PMFBP1: variants seen among roughly 807,000 people sequenced by gnomAD.
The protein encoded by PMFBP1 is polyamine modulated factor 1 binding protein 1.
Under a neutral mutation model 137.8 loss-of-function variants are expected in PMFBP1, and 131 were observed. That is an observed-to-expected ratio of 0.95 (90% confidence interval 0.82 to 1.10). PMFBP1 has a LOEUF of 1.10. Ranked by LOEUF, PMFBP1 falls within the 50% of genes least tolerant of loss-of-function variation. The pLI is 0.00. For missense variants in PMFBP1, 1,199 were observed against 1,175.4 expected, an observed-to-expected ratio of 1.02 and a Z score of -0.29; for synonymous variants, 490 against 450.4, an observed-to-expected ratio of 1.09 and a Z score of -1.11.
chr16:72,181,054 C>A (rs2043274612), upstream of PMFBP1, among the ~76,000 whole-genome samples: 1 of 152,032 alleles, frequency 6.6e-6, no homozygotes, highest in African/African-American at 2.4e-5. Context: ...TCCTGGCCAA[C>A]ATGGTGAAAC....
Position 72,132,748 on chromosome 16 carries a change from C to T in PMFBP1, c.1447G>A (p.Ala483Thr), listed in dbSNP as rs1412004074. The change falls in exon 10 of 21, where the codon GCT becomes ACT. Residue 483 changes from alanine to threonine, a missense_variant and splice_region_variant. Ala to Thr is a moderately conservative substitution (Grantham distance 58). Transcript: ENST00000237353. Reference protein sequence around the residue: ...EEAKQQERLAAQQAAQCKEEA... With the variant: ...EEAKQQERLATQQAAQCKEEA... ...GGGACAGCACCTGCAGGGGCCTCAC[C>T]AGCCAGCCTCTCCTGCTGCTTGGCC... The T allele has an allele frequency of 1.7e-5, 27 of 1,614,056 alleles. No homozygotes were observed. Among genetic ancestry groups the T allele is most frequent in the Non-Finnish European group, 2.1e-5 (25 of 1,180,026 alleles).
intron 5 of PMFBP1, 70 bp downstream of exon 5, chr16:72,150,538 G>A (rs2042885048): frequency 6.8e-7 from 1 of 1,467,068 alleles, no homozygotes; most frequent in East Asian, 2.3e-5. Context: ...GAGGAGGCTG[G>A]GACTGTCTGA....
upstream of PMFBP1, among the ~76,000 whole-genome samples, chr16:72,173,730 G>A (rs997249688): frequency 6.6e-6 from 1 of 152,164 alleles, no homozygotes; most frequent in Non-Finnish European, 1.5e-5. Context: ...TGTTTTGGGG[G>A]AGCCCCACAG....
chr16:72,196,021 G>A, the PMFBP1 span, among the ~76,000 whole-genome samples: 1 of 148,488 alleles, frequency 6.7e-6, no homozygotes, highest in East Asian at 1.9e-4. Flanking sequence ...GTGTGTGTGT[G>A]TGTGTGTGTG....
At chr16:72,226,490 A>G in the PMFBP1 span, among the ~76,000 whole-genome samples, 1 of 152,248 alleles carries the variant, frequency 6.6e-6, no homozygotes, top group Middle Eastern at 3.4e-3. Context: ...TTCTGCCCCC[A>G]TTTCAATTTC....
At chr16:72,151,414 A>C (rs961979260) in intron 4 of PMFBP1, among the ~76,000 whole-genome samples, 8 of 152,330 alleles carry the variant, frequency 5.3e-5, no homozygotes, top group East Asian at 1.9e-4. Context: ...GGGGATATAT[A>C]CATATTAGAC....
upstream of PMFBP1, among the ~76,000 whole-genome samples, chr16:72,179,755 T>C (rs763063823): frequency 6.6e-5 from 10 of 152,250 alleles, no homozygotes; most frequent in Non-Finnish European, 1.2e-4. Flanking sequence ...CCATGTTTAC[T>C]GTATGATCGT....
At chr16:72,183,496 G>A in the PMFBP1 span, among the ~76,000 whole-genome samples, 1 of 152,224 alleles carries the variant, frequency 6.6e-6, no homozygotes, top group East Asian at 1.9e-4. Context: ...TTTACATGGT[G>A]TTCTCCCTAT....
At chr16:72,201,737 C>T in the PMFBP1 span, among the ~76,000 whole-genome samples, 1 of 152,200 alleles carries the variant, frequency 6.6e-6, no homozygotes, top group Non-Finnish European at 1.5e-5. Flanking sequence ...TGATTAATTA[C>T]CCACTATACG....
intron 5 of PMFBP1, among the ~76,000 whole-genome samples, chr16:72,145,919 G>A: frequency 6.6e-6 from 1 of 152,190 alleles, no homozygotes; most frequent in Non-Finnish European, 1.5e-5. Flanking sequence ...TTCAGGACCA[G>A]ACGAATTCAC....
At chr16:72,200,312 A>T in the PMFBP1 span, among the ~76,000 whole-genome samples, 1 of 152,238 alleles carries the variant, frequency 6.6e-6, no homozygotes, top group Non-Finnish European at 1.5e-5. Context: ...CATGAAACAG[A>T]TTATATTTTC....
intron 2 of PMFBP1, among the ~76,000 whole-genome samples, chr16:72,167,293 CT>C (rs34649143): frequency 9.4e-5 from 14 of 149,212 alleles, no homozygotes; most frequent in East Asian, 2.0e-4. Context: ...AGTACCTGGA[CT>C]TTTTTTTTTA....
At chr16:72,231,648 ATAAAGT>A in the PMFBP1 span, among the ~76,000 whole-genome samples, 1 of 152,208 alleles carries the variant, frequency 6.6e-6, no homozygotes, top group Non-Finnish European at 1.5e-5. Context: ...GTAAAACACA[ATAAAGT>A]TAATCTTAAA....
At chr16:72,236,135 T>C in the PMFBP1 span, among the ~76,000 whole-genome samples, 1 of 152,294 alleles carries the variant, frequency 6.6e-6, no homozygotes, top group South Asian at 2.1e-4. Context: ...TTTTTGTAAA[T>C]GCTGTTTTTT....
At chr16:72,179,989 C>T (rs565289517), upstream of PMFBP1, among the ~76,000 whole-genome samples, 3 of 152,282 alleles carry the variant, frequency 2.0e-5, no homozygotes, top group African/African-American at 7.2e-5. Context: ...CCCAAAACCA[C>T]TGGCTGCAGA....
chr16:72,129,037 C>T (rs765183781), intron 13 of PMFBP1, 29 bp downstream of exon 13: 2 of 1,608,464 alleles, frequency 1.2e-6, no homozygotes, highest in Non-Finnish European at 1.7e-6. Flanking sequence ...GGATTCCTGA[C>T]CCAGCTCTCC....
intron 9 of PMFBP1, among the ~76,000 whole-genome samples, chr16:72,135,360 T>TGTGTGTG (rs373323912): frequency 7.7e-6 from 1 of 130,604 alleles, no homozygotes; most frequent in African/African-American, 2.7e-5. Flanking sequence ...TGTGTGTGTG[T>TGTGTGTG]TTTTTTTTTT....
intron 2 of PMFBP1, among the ~76,000 whole-genome samples, 190 bp downstream of exon 2, chr16:72,171,007 T>C (rs899975217): frequency 2.0e-5 from 3 of 152,210 alleles, no homozygotes; most frequent in African/African-American, 7.2e-5. Flanking sequence ...CTCAGTATCA[T>C]ACTGCTGGTA....
chr16:72,209,417 ATTG>A, the PMFBP1 span, among the ~76,000 whole-genome samples: 1 of 152,060 alleles, frequency 6.6e-6, no homozygotes, highest in African/African-American at 2.4e-5. Context: ...GTTATTATAT[ATTG>A]TTATCATATA....
Sources: gnomAD v4.1 joint callset for allele counts (sites outside exome capture counted in the v4.1 genomes callset) on GRCh38, gnomAD v4.1.1 for gene constraint, MANE v1.5 for transcripts, NCBI Gene and HGNC (gene_info 2026-07-23, HGNC 2026-07-21) for gene names.